Variants in DIPK1A observed in about 807,000 individuals in gnomAD.
DIPK1A encodes the protein family with sequence similarity 69 member A.
A neutral mutation model predicts 40.8 loss-of-function variants in DIPK1A; 27 were observed. The ratio of observed to expected loss-of-function variants is 0.66; its 90% CI spans 0.49 to 0.91. The LOEUF (loss-of-function observed/expected upper bound fraction) is 0.91. Ranked by LOEUF, DIPK1A falls within the 40% of genes least tolerant of loss-of-function variation. DIPK1A has a pLI of 0.00. For missense variants in DIPK1A, 412 were observed against 505.7 expected (o/e 0.81, Z 1.78); for synonymous variants, 166 against 171.3 (o/e 0.97, Z 0.24).
intron 1 of DIPK1A, among the ~76,000 whole-genome samples, chr1:92,878,912 C>G (rs959481115): frequency 6.6e-6 from 1 of 151,794 alleles, no homozygotes; most frequent in Non-Finnish European, 1.5e-5. Flanking sequence ...GAGGCTGAGG[C>G]AGGAAAACTG....
chr1:92,945,725 C>A (rs1321141726), intron 1 of DIPK1A, among the ~76,000 whole-genome samples: 1 of 152,148 alleles, frequency 6.6e-6, no homozygotes, highest in African/African-American at 2.4e-5. Flanking sequence ...AGGTGAGAGT[C>A]ATTTTCATTA....
chr1:92,850,783 C>G, intron 3 of DIPK1A, 65 bp downstream of exon 3: 1 of 960,038 alleles, frequency 1.0e-6, no homozygotes, highest in Non-Finnish European at 1.6e-6. Context: ...TTTAATAATG[C>G]CTTTAATTTC....
chr1:92,840,375 T>C, downstream of DIPK1A: 2 of 593,340 alleles, frequency 3.4e-6, no homozygotes, highest in East Asian at 5.8e-5. Context: ...AGGTGAAAAT[T>C]GGGAATTTGT....
At chr1:92,915,873 T>A (rs112996119) in intron 1 of DIPK1A, among the ~76,000 whole-genome samples, 5,194 of 152,144 alleles carry the variant, frequency 0.034, 272 homozygotes, top group African/African-American at 0.11. Context: ...ACAATCCAAA[T>A]GTCTATCAAG....
intron 1 of DIPK1A, among the ~76,000 whole-genome samples, chr1:92,883,098 T>A (rs1648451581): frequency 6.6e-6 from 1 of 152,204 alleles, no homozygotes; most frequent in Non-Finnish European, 1.5e-5. Context: ...TATAATCCTT[T>A]CCCTTGCTGC....
At chr1:92,932,809 GAGGAT>G (rs1308229722) in intron 1 of DIPK1A, 1 of 152,186 alleles carries the variant, frequency 6.6e-6, no homozygotes, top group East Asian at 1.9e-4. Context: ...GTGGAGCACC[GAGGAT>G]TTTTAGGGCA....
intron 1 of DIPK1A, among the ~76,000 whole-genome samples, chr1:92,954,541 T>A (rs115980604): frequency 0.075 from 11,381 of 151,734 alleles, 505 homozygotes; most frequent in Non-Finnish European, 0.098. Context: ...TACCCGGCTA[T>A]TTTTTGTACT....
chr1:92,877,552 A>G (rs184181951), intron 1 of DIPK1A, among the ~76,000 whole-genome samples: 1 of 152,312 alleles, frequency 6.6e-6, no homozygotes, highest in African/African-American at 2.4e-5. Flanking sequence ...ACTGAATTCT[A>G]TTGGCCCTAT....
intron 1 of DIPK1A, among the ~76,000 whole-genome samples, chr1:92,894,688 C>T (rs1649076447): frequency 6.6e-6 from 1 of 152,026 alleles, no homozygotes; most frequent in Non-Finnish European, 1.5e-5. Context: ...ACACAAAAAA[C>T]CCTTCAAAAA....
At chr1:92,878,514 G>A (rs1648225854) in intron 1 of DIPK1A, among the ~76,000 whole-genome samples, 1 of 151,862 alleles carries the variant, frequency 6.6e-6, no homozygotes, top group African/African-American at 2.4e-5. Flanking sequence ...GTAAAACCCC[G>A]CCTATACTAA....
At chr1:92,954,661 C>T (rs1218616260) in intron 1 of DIPK1A, among the ~76,000 whole-genome samples, 1 of 152,016 alleles carries the variant, frequency 6.6e-6, no homozygotes, top group Non-Finnish European at 1.5e-5. Context: ...AGACGTGAGC[C>T]TCCGTGCCCA....
chr1:92,836,565 AT>A (rs1454738156), intron 4 of DIPK1A: 1 of 643,874 alleles, frequency 1.6e-6, no homozygotes, highest in Non-Finnish European at 2.7e-6. Flanking sequence ...AGCCCATTTT[AT>A]AAATTAAGAG....
At chr1:92,835,229 C>G (rs1357212576) in intron 4 of DIPK1A, 5 of 431,150 alleles carry the variant, frequency 1.2e-5, no homozygotes, top group African/African-American at 8.1e-5. Flanking sequence ...AATGAAGACC[C>G]TTGCTACTTA....
At chr1:92,907,756 A>G (rs1241732372) in intron 1 of DIPK1A, among the ~76,000 whole-genome samples, 2 of 152,182 alleles carry the variant, frequency 1.3e-5, no homozygotes, top group Middle Eastern at 3.2e-3. Flanking sequence ...CTGTATCTTA[A>G]TAGGGATGAG....
intron 2 of DIPK1A, among the ~76,000 whole-genome samples, chr1:92,854,213 T>C (rs1004033825): frequency 4.6e-5 from 7 of 152,210 alleles, no homozygotes; most frequent in South Asian, 2.1e-4. Context: ...TAATACCTGA[T>C]AGTAGGTGCT....
intron 1 of DIPK1A, among the ~76,000 whole-genome samples, chr1:92,894,352 C>T (rs1288763395): frequency 6.6e-6 from 1 of 152,104 alleles, no homozygotes. Flanking sequence ...AAGAAACTCA[C>T]TCAAAACCGC....
chr1:92,862,707 A>G (rs537070953), intron 2 of DIPK1A, among the ~76,000 whole-genome samples: 1 of 152,296 alleles, frequency 6.6e-6, no homozygotes, highest in South Asian at 2.1e-4. Context: ...ACTGCTCTGA[A>G]GGTAAAAGGC....
rs1647675552 is a variant in DIPK1A, at chr1:92,868,552, A to G, written c.189+7744T>C. 3.9e-5 allele frequency among the ~76,000 whole-genome samples: 6 copies of G among 152,284 alleles called. No homozygotes were observed. The South Asian group carries it at 1.2e-3, about 32-fold the overall frequency. On this transcript the variant is annotated intron_variant, in intron 2 of 4. Transcript: ENST00000370310. The stretch of plus-strand genomic sequence containing the variant: ...GTTTTTCCCAATCACTCCAGTTAAG[A>G]CAGCATGCCCTAGCCATTCTCTACG...
Position 92,921,474 on chromosome 1 carries a change from T to G in DIPK1A, c.54+39902A>C, listed in dbSNP as rs1171812692. Among the ~76,000 whole-genome samples the G allele has an allele frequency of 4.6e-5, 7 of 152,326 alleles. No individual in the cohort carries two copies. In the East Asian group the frequency reaches 1.2e-3, roughly 25 times the overall value. ...TATAAGGTAGCATATATAGGCTTAC[T>G]AATTAGAAAGGAGAATTTGCTAGTC... On this transcript the variant is annotated intron_variant, in intron 1 of 4. Coordinates refer to ENST00000370310, the MANE Select transcript of DIPK1A (RefSeq NM_001006605.5).
Sources: allele counts gnomAD v4.1 joint callset (sites outside exome capture counted in the v4.1 genomes callset), GRCh38; gene constraint gnomAD v4.1.1; transcripts MANE v1.5; gene names NCBI Gene and HGNC (gene_info 2026-07-23, HGNC 2026-07-21).